The following CPNE8 variants were observed in gnomAD, a reference collection of about 807,000 sequenced individuals.
The protein encoded by CPNE8 is copine 8.
A neutral mutation model predicts 81.5 loss-of-function variants in CPNE8; 45 were observed. The ratio of observed to expected loss-of-function variants is 0.55; its 90% CI spans 0.44 to 0.71. The LOEUF (loss-of-function observed/expected upper bound fraction) is 0.71. Among genes scored for constraint, CPNE8 ranks in the 30% least tolerant of loss-of-function variants. CPNE8 has a pLI of 0.00. For missense variants in CPNE8, 594 were observed against 672.1 expected, an observed-to-expected ratio of 0.88 and a Z score of 1.28; for synonymous variants, 252 against 226.3, an observed-to-expected ratio of 1.11 and a Z score of -1.02.
chr12:38,687,722 C>T (rs947532529), intron 15 of CPNE8, among the ~76,000 whole-genome samples: 8 of 152,242 alleles, frequency 5.3e-5, no homozygotes, highest in South Asian at 2.1e-4. Flanking sequence ...GCTTAGGAAA[C>T]GGGGCCAAAT....
intron 3 of CPNE8, among the ~76,000 whole-genome samples, chr12:38,855,360 TAG>T (rs1453143292): frequency 1.3e-5 from 2 of 151,932 alleles, no homozygotes; most frequent in Non-Finnish European, 2.9e-5. Context: ...TTCACAGAAA[TAG>T]AAAATACAAT....
chr12:38,672,425 G>A lies in CPNE8; in HGVS notation c.1433-1623C>T, dbSNP rs549114288. ...GAGCAAGAAGAGAGATGGTGTGTAA[G>A]TGGTGGAGGGGTCAGGTCTACTCTT... On this transcript the variant is annotated intron_variant, in intron 18 of 19. Transcript: ENST00000331366. Among the ~76,000 whole-genome samples the A allele has an allele frequency of 8.5e-5, 13 of 152,320 alleles. No individual in the cohort carries two copies. The South Asian group carries it at 2.5e-3, about 29-fold the overall frequency.
intron 12 of CPNE8, 75 bp downstream of exon 12, chr12:38,724,771 G>A: frequency 1.0e-6 from 1 of 994,578 alleles, no homozygotes; most frequent in Non-Finnish European, 1.5e-6. Context: ...CTTCCAGTAG[G>A]ATTAAAGATG....
chr12:38,659,173 T>C (rs1371359132), intron 19 of CPNE8, among the ~76,000 whole-genome samples: 1 of 147,064 alleles, frequency 6.8e-6, no homozygotes. Context: ...GAGACACACA[T>C]AGGCTCAAAA....
chr12:38,868,551 A>G (rs953112786), intron 3 of CPNE8, among the ~76,000 whole-genome samples: 12 of 152,170 alleles, frequency 7.9e-5, no homozygotes, highest in African/African-American at 2.9e-4. Context: ...AATGAAGTTC[A>G]ACTTCTTTCC....
At chr12:38,747,750 T>C (rs1185802804) in intron 10 of CPNE8, among the ~76,000 whole-genome samples, 1 of 152,050 alleles carries the variant, frequency 6.6e-6, no homozygotes, top group Non-Finnish European at 1.5e-5. Context: ...AGATAGTACA[T>C]AAGAAAAATA....
At chr12:38,826,444 T>C (rs2137016144) in intron 6 of CPNE8, among the ~76,000 whole-genome samples, 1 of 152,324 alleles carries the variant, frequency 6.6e-6, no homozygotes, top group East Asian at 1.9e-4. Context: ...CTATATGAAA[T>C]ATGTGTATGT....
At chr12:38,884,604 G>A (rs1183082727) in intron 1 of CPNE8, among the ~76,000 whole-genome samples, 1 of 152,088 alleles carries the variant, frequency 6.6e-6, no homozygotes, top group East Asian at 1.9e-4. Context: ...TGAAAAAACT[G>A]CCAAACTATT....
chr12:38,821,032 C>A (rs1263243636), intron 6 of CPNE8, among the ~76,000 whole-genome samples: 1 of 152,148 alleles, frequency 6.6e-6, no homozygotes, highest in Non-Finnish European at 1.5e-5. Flanking sequence ...ACCCAAACAA[C>A]TATCTGTTAA....
intron 6 of CPNE8, among the ~76,000 whole-genome samples, chr12:38,821,225 A>AAATGGTAAATAAATGG (rs1232795783): frequency 6.6e-6 from 1 of 152,208 alleles, no homozygotes; most frequent in African/African-American, 2.4e-5. Flanking sequence ...TTGCATGATT[A>AAATGGTAAATAAATGG]TTCATTTAAT....
chr12:38,793,335 CA>C (rs1387084841), intron 6 of CPNE8, among the ~76,000 whole-genome samples: 9 of 151,138 alleles, frequency 6.0e-5, no homozygotes, highest in African/African-American at 2.2e-4. Context: ...AAATTACACA[CA>C]CACACACACA....
At position 38,723,743 on chromosome 12, in the gene CPNE8, C is replaced by A. The variant is rs372230743; in HGVS notation, c.914+29G>T. ...ACACAAATTTTAGGAAATGCCTAAG[C>A]AACGAAACAATTTGAGAGAATTACT... On this transcript the variant is annotated intron_variant, in intron 13 of 19. Transcript: ENST00000331366. 46 of 1,425,308 alleles carry A rather than the reference C, an allele frequency of 3.2e-5. No homozygotes were observed. In the African/African-American group the frequency reaches 6.1e-4, roughly 19 times the overall value. 88.3% of individuals were successfully genotyped at this position (1,425,308 alleles called of 1,614,324 possible). A position where few individuals can be genotyped will look rare whatever the true frequency, so the allele number is the denominator to read the frequency against.
At chr12:38,838,824 T>C (rs1258599287) in intron 5 of CPNE8, among the ~76,000 whole-genome samples, 3 of 152,076 alleles carry the variant, frequency 2.0e-5, no homozygotes, top group African/African-American at 7.2e-5. Flanking sequence ...GGGGCAGCAG[T>C]AAATGTGATT....
chr12:38,832,578 G>C (rs1592126616), intron 5 of CPNE8, among the ~76,000 whole-genome samples: 1 of 152,190 alleles, frequency 6.6e-6, no homozygotes, highest in South Asian at 2.1e-4. Flanking sequence ...TAAGGCTATA[G>C]AAGACCTCGG....
At chr12:38,904,905 G>C (rs1186427895) in intron 1 of CPNE8, among the ~76,000 whole-genome samples, 1 of 152,132 alleles carries the variant, frequency 6.6e-6, no homozygotes, top group African/African-American at 2.4e-5. Flanking sequence ...CTACCTATCA[G>C]GCAAAAGGCA....
intron 1 of CPNE8, among the ~76,000 whole-genome samples, chr12:38,894,425 C>A (rs1944357320): frequency 6.6e-6 from 1 of 152,014 alleles, no homozygotes; most frequent in South Asian, 2.1e-4. Flanking sequence ...CTCCTTTCCC[C>A]AATGCCTACA....
intron 11 of CPNE8, among the ~76,000 whole-genome samples, chr12:38,727,068 C>T (rs73099166): frequency 0.048 from 7,235 of 152,126 alleles, 585 homozygotes; most frequent in African/African-American, 0.16. Context: ...AGAGTAAGGC[C>T]CTCTGCAAAG....
chr12:38,802,581 A>C (rs1299066333), intron 6 of CPNE8, among the ~76,000 whole-genome samples: 9 of 138,662 alleles, frequency 6.5e-5, no homozygotes, highest in Non-Finnish European at 1.4e-4. Flanking sequence ...TGACACCCTA[A>C]CATCACAATT....
At chr12:38,770,172 C>T (rs1341820390) in intron 7 of CPNE8, among the ~76,000 whole-genome samples, 1 of 152,174 alleles carries the variant, frequency 6.6e-6, no homozygotes, top group Non-Finnish European at 1.5e-5. Flanking sequence ...GGATGTTTCA[C>T]AGGCACTTCT....
Sources: gnomAD v4.1 joint callset for allele counts (sites outside exome capture counted in the v4.1 genomes callset) on GRCh38, gnomAD v4.1.1 for gene constraint, MANE v1.5 for transcripts, NCBI Gene and HGNC (gene_info 2026-07-23, HGNC 2026-07-21) for gene names.